The following LYRM1 variants were observed in gnomAD, a reference collection of about 807,000 sequenced individuals.
LYRM1 encodes the protein LYR motif-containing protein 1.
Under a neutral mutation model 14.9 loss-of-function variants are expected in LYRM1, and 14 were observed. The observed-to-expected ratio is 0.94, with a 90% confidence interval of 0.62 to 1.47. LYRM1 has a LOEUF of 1.47. Among genes scored for constraint, LYRM1 ranks in the 40% most tolerant of loss-of-function variants. LYRM1 has a pLI of 0.00. For synonymous variants in LYRM1, 43 were observed against 56.2 expected, an observed-to-expected ratio of 0.77 and a Z score of 1.05; for missense variants, 153 against 149.9, an observed-to-expected ratio of 1.02 and a Z score of -0.11.
chr16:20,902,168 A>G (rs1352943501), intron 1 of LYRM1, among the ~76,000 whole-genome samples: 2 of 152,184 alleles, frequency 1.3e-5, no homozygotes, highest in Non-Finnish European at 2.9e-5. Context: ...CATTCAGCAT[A>G]TATTTGGGAG....
At chr16:20,902,951 C>G (rs2082138466) in intron 1 of LYRM1, among the ~76,000 whole-genome samples, 1 of 152,136 alleles carries the variant, frequency 6.6e-6, no homozygotes, top group Admixed American at 6.5e-5. Flanking sequence ...CCAAGCCCAC[C>G]ACAATTACGA....
chr16:20,905,138 A>G (rs1350800646), intron 1 of LYRM1, among the ~76,000 whole-genome samples: 1 of 152,224 alleles, frequency 6.6e-6, no homozygotes, highest in Admixed American at 6.5e-5. Context: ...TCTCCTATTC[A>G]GACAAAGCTT....
rs566509740 is a variant in LYRM1 at position 20,916,769 on chromosome 16, C to T, written c.159+1055C>T. On this transcript the variant is annotated intron_variant, in intron 2 of 3. Transcript: ENST00000567954. ...CACAGCTCCTGTCACCACTCTGCAA[C>T]TCTTTGTTCTCATTCCTCACTCAAC... 2.0e-3 allele frequency among the ~76,000 whole-genome samples: 310 copies of T among 152,354 alleles called. 1 individual carries two copies. Among genetic ancestry groups the T allele is most frequent in the Non-Finnish European group, 3.3e-3 (226 of 68,034 alleles).
chr16:20,914,027 C>G (rs887304203), intron 1 of LYRM1, among the ~76,000 whole-genome samples: 2 of 151,950 alleles, frequency 1.3e-5, no homozygotes, highest in South Asian at 4.2e-4. Flanking sequence ...CCAGGATGGT[C>G]TCAATCTCCT....
At chr16:20,907,157 ATGATATACAGTAGTT>A (rs143731669) in intron 1 of LYRM1, among the ~76,000 whole-genome samples, 2,011 of 152,284 alleles carry the variant, frequency 0.013, 57 homozygotes, top group African/African-American at 0.045. Context: ...ATAAGTAGTT[ATGATATACAGTAGTT>A]TGATATACAG....
At chr16:20,904,378 G>C (rs1267746611) in intron 1 of LYRM1, among the ~76,000 whole-genome samples, 1 of 152,104 alleles carries the variant, frequency 6.6e-6, no homozygotes, top group Non-Finnish European at 1.5e-5. Flanking sequence ...AAGTCTTTCA[G>C]ACATTTTTTG....
chr16:20,903,764 T>C (rs1221860687), intron 1 of LYRM1, among the ~76,000 whole-genome samples: 1 of 151,578 alleles, frequency 6.6e-6, no homozygotes, highest in Non-Finnish European at 1.5e-5. Context: ...CTGCACAGAA[T>C]GTGGTTATTT....
intron 3 of LYRM1, chr16:20,921,393 A>C (rs1258144703): frequency 1.3e-5 from 2 of 151,890 alleles, no homozygotes; most frequent in Non-Finnish European, 2.9e-5. Flanking sequence ...GCCTGGCCAG[A>C]AATCTTTTTT....
chr16:20,907,663 C>G (rs1596706853), intron 1 of LYRM1, among the ~76,000 whole-genome samples: 1 of 152,112 alleles, frequency 6.6e-6, no homozygotes, highest in Non-Finnish European at 1.5e-5. Flanking sequence ...TGCCCTGCCT[C>G]ATGTTCATCT....
chr16:20,916,605 G>A (rs1268115516), intron 2 of LYRM1, among the ~76,000 whole-genome samples: 2 of 152,210 alleles, frequency 1.3e-5, no homozygotes, highest in African/African-American at 4.8e-5. Flanking sequence ...CAGCCACCTT[G>A]TGATTTAAGC....
At chr16:20,919,696 T>C (rs1239088090) in intron 2 of LYRM1, among the ~76,000 whole-genome samples, 1 of 152,170 alleles carries the variant, frequency 6.6e-6, no homozygotes, top group Non-Finnish European at 1.5e-5. Context: ...AGATAGAATA[T>C]AGAAGGAACC....
chr16:20,908,787 C>G (rs760505915), intron 1 of LYRM1, among the ~76,000 whole-genome samples: 4 of 152,102 alleles, frequency 2.6e-5, no homozygotes, highest in Non-Finnish European at 4.4e-5. Context: ...AAGTAGGTGT[C>G]TGTTTGATGG....
chr16:20,908,717 GAACT>G, intron 1 of LYRM1, among the ~76,000 whole-genome samples: 1 of 152,338 alleles, frequency 6.6e-6, no homozygotes, highest in East Asian at 1.9e-4. Flanking sequence ...AAGAAATGCA[GAACT>G]ATCTGCTGGC....
rs576460221 is a variant in LYRM1 at position 20,921,105 on chromosome 16, G to T, written c.252+891G>T. ...AGAAGTTTTATTTATTTATTTATTT[G>T]TGGAGACTGAGTCTTCGCTTCATCA... On this transcript the variant is annotated intron_variant, in intron 3 of 3. Coordinates refer to ENST00000567954, the MANE Select transcript of LYRM1 (RefSeq NM_001128302.3). Among the ~76,000 whole-genome samples the T allele has an allele frequency of 2.0e-5, 3 of 151,696 alleles. No homozygotes were observed. The South Asian group carries it at 6.3e-4, about 32-fold the overall frequency.
At chr16:20,906,995 T>G (rs2082354086) in intron 1 of LYRM1, among the ~76,000 whole-genome samples, 1 of 152,164 alleles carries the variant, frequency 6.6e-6, no homozygotes, top group African/African-American at 2.4e-5. Flanking sequence ...CTGCCCATTA[T>G]GAGTCCCCAT....
At chr16:20,902,295 G>A (rs1194119972) in intron 1 of LYRM1, among the ~76,000 whole-genome samples, 4 of 152,210 alleles carry the variant, frequency 2.6e-5, no homozygotes, top group Non-Finnish European at 5.9e-5. Flanking sequence ...GTTCTCTTTT[G>A]AACATATTAA....
intron 2 of LYRM1, among the ~76,000 whole-genome samples, chr16:20,916,953 C>T (rs1341404182): frequency 1.3e-5 from 2 of 151,988 alleles, no homozygotes; most frequent in African/African-American, 4.8e-5. Flanking sequence ...CATGGTGGCT[C>T]ACGCCTGTAA....
Position 20,901,747 on chromosome 16 carries a change from C to T in LYRM1, c.-1+858C>T, listed in dbSNP as rs146719268. ...TGATTTACATTTTTAAAAATCCGCT[C>T]TGCCTGCTGGATAGAGAAGGGTGGA... is the stretch of plus-strand genomic sequence containing the variant. On this transcript the variant is annotated intron_variant, in intron 1 of 3. Transcript: ENST00000567954. This position sits in a 1 kb window ranked among gnomAD's most constrained non-coding sequence, Gnocchi z 4.6. Among the ~76,000 whole-genome samples, 37 of 152,328 alleles carry T rather than the reference C, an allele frequency of 2.4e-4. No individual in the cohort carries two copies. The highest frequency in any genetic ancestry group is 5.3e-4 in the Non-Finnish European group (36 of 68,024).
intron 1 of LYRM1, among the ~76,000 whole-genome samples, chr16:20,903,961 G>A (rs2082188805): frequency 8.3e-6 from 1 of 120,830 alleles, no homozygotes; most frequent in African/African-American, 2.9e-5. Flanking sequence ...TCCTGGCTGG[G>A]GAGTTATGAA....
Sources: allele counts gnomAD v4.1 joint callset (sites outside exome capture counted in the v4.1 genomes callset), GRCh38; gene constraint gnomAD v4.1.1; non-coding constraint Gnocchi (gnomAD v3.1); transcripts MANE v1.5; gene names NCBI Gene and HGNC (gene_info 2026-07-23, HGNC 2026-07-21).